The following PDE8B variants were observed in gnomAD, a reference collection of about 807,000 sequenced individuals.
PDE8B encodes high affinity cAMP-specific and IBMX-insensitive 3',5'-cyclic phosphodiesterase 8B.
A neutral mutation model predicts 101.3 loss-of-function variants in PDE8B; 26 were observed. The ratio of observed to expected loss-of-function variants is 0.26; its 90% CI spans 0.19 to 0.36. The LOEUF (loss-of-function observed/expected upper bound fraction) is 0.36, where lower values mean the gene tolerates loss of function less well. Ranked by LOEUF, PDE8B falls within the 10% of genes least tolerant of loss-of-function variation. PDE8B has a pLI of 1.00. For synonymous variants in PDE8B, 424 were observed against 429.3 expected (o/e 0.99, Z 0.15); for missense variants, 810 against 1,163.1 (o/e 0.70, Z 4.42).
rs138606485 is a variant in PDE8B, at chr5:77,236,505, A to G, written c.339+25241A>G. 4.7e-3 allele frequency among the ~76,000 whole-genome samples: 720 copies of G among 152,352 alleles called. 3 individuals carry two copies. The highest frequency in any genetic ancestry group is 0.016 in the African/African-American group (674 of 41,586). ...TGTAGTGACTTTCACTTGAATGCCA[A>G]GTGGAAAAAGTGTTTTGAAGAGGAG... On this transcript the variant is annotated intron_variant, in intron 1 of 21. Coordinates refer to ENST00000264917, the MANE Select transcript of PDE8B (RefSeq NM_003719.5).
the PDE8B span, among the ~76,000 whole-genome samples, chr5:77,168,362 G>A: frequency 1.3e-5 from 2 of 152,222 alleles, no homozygotes; most frequent in Non-Finnish European, 2.9e-5. Context: ...CAGCGAGGCT[G>A]CACGGCAGCC....
chr5:77,271,166 A>G (rs1442510023), intron 1 of PDE8B, among the ~76,000 whole-genome samples: 1 of 152,234 alleles, frequency 6.6e-6, no homozygotes, highest in Non-Finnish European at 1.5e-5. Flanking sequence ...GGCAGTTTAT[A>G]AAAGACCATA....
chr5:77,337,173 C>T lies in PDE8B; in HGVS notation c.709-54C>T, dbSNP rs1022938823. 20 of 959,038 alleles carry T rather than the reference C, an allele frequency of 2.1e-5. No homozygotes were observed. The South Asian group carries it at 2.6e-4, about 13-fold the overall frequency. 59.4% of individuals were successfully genotyped at this position (959,038 alleles called of 1,614,324 possible). On this transcript the variant is annotated intron_variant, in intron 5 of 21. Coordinates refer to ENST00000264917, the MANE Select transcript of PDE8B (RefSeq NM_003719.5). ...ACAACTGTTAAGTTTCTCTATTTGA[C>T]TCTCTAAGAAGTAATTATATATGTC...
chr5:77,159,623 A>T, the PDE8B span, among the ~76,000 whole-genome samples: 1 of 152,162 alleles, frequency 6.6e-6, no homozygotes, highest in Non-Finnish European at 1.5e-5. Context: ...GCGTTTGCAT[A>T]TATCATATTA....
intron 21 of PDE8B, 69 bp downstream of exon 21, chr5:77,425,965 C>G (rs947168342): frequency 1.6e-5 from 24 of 1,456,180 alleles, no homozygotes; most frequent in Non-Finnish European, 2.1e-5. Flanking sequence ...TTTAGTGACA[C>G]AGGGTGAGCC....
chr5:77,222,335 A>G (rs1751302133), intron 1 of PDE8B, among the ~76,000 whole-genome samples: 1 of 152,160 alleles, frequency 6.6e-6, no homozygotes, highest in African/African-American at 2.4e-5. Context: ...AAAAAAATGA[A>G]TATGATGGCC....
rs79008179 is a variant in PDE8B, at chr5:77,408,888, G to A, written c.1366-5G>A. 0.028 allele frequency: 45,541 copies of A among 1,609,390 alleles called. 772 individuals are homozygous for A. The highest frequency in any genetic ancestry group is 0.033 in the Non-Finnish European group (38,836 of 1,175,700). On this transcript the variant is annotated splice_region_variant and splice_polypyrimidine_tract_variant and intron_variant, in intron 13 of 21. Transcript: ENST00000264917. ...CTCAGATGTATTCTTTCTTCACTCC[G>A]TTAGGTTATAAATATAATCAATGCA...
intron 1 of PDE8B, among the ~76,000 whole-genome samples, chr5:77,259,068 A>ACCCCCCCCCC (rs1491575842): frequency 9.7e-5 from 4 of 41,158 alleles, no homozygotes; most frequent in African/African-American, 1.9e-4. Flanking sequence ...ACACACACAC[A>ACCCCCCCCCC]CCCCCGCCCC....
At chr5:77,238,136 C>T (rs943116985) in intron 1 of PDE8B, among the ~76,000 whole-genome samples, 3 of 152,148 alleles carry the variant, frequency 2.0e-5, no homozygotes, top group Admixed American at 2.0e-4. Flanking sequence ...ATGACTTTTG[C>T]CACAGTTGGA....
At chr5:77,184,936 G>A in the PDE8B span, among the ~76,000 whole-genome samples, 83,249 of 152,038 alleles carry the variant, frequency 0.55, 23,066 homozygotes, top group South Asian at 0.58. Flanking sequence ...CTGCTCCACA[G>A]AGGCACTCAG....
At chr5:77,176,223 A>G in the PDE8B span, among the ~76,000 whole-genome samples, 1 of 151,904 alleles carries the variant, frequency 6.6e-6, no homozygotes, top group African/African-American at 2.4e-5. Flanking sequence ...CCAAACAACT[A>G]GACACGCAGC....
chr5:77,355,166 CA>C (rs1311745625), intron 10 of PDE8B, among the ~76,000 whole-genome samples: 1 of 152,196 alleles, frequency 6.6e-6, no homozygotes, highest in Non-Finnish European at 1.5e-5. Flanking sequence ...CTTTAGGATA[CA>C]GGGGTGGGGG....
the PDE8B span, among the ~76,000 whole-genome samples, chr5:77,124,577 C>T: frequency 6.8e-6 from 1 of 147,620 alleles, no homozygotes; most frequent in Non-Finnish European, 1.5e-5. Flanking sequence ...CAGAGTGAGA[C>T]ACTGTCTCAA....
the PDE8B span, among the ~76,000 whole-genome samples, chr5:77,124,645 G>T: frequency 6.6e-6 from 1 of 151,524 alleles, no homozygotes; most frequent in South Asian, 2.1e-4. Flanking sequence ...ATGAAAGGAC[G>T]TGAAAGTTAT....
intron 1 of PDE8B, among the ~76,000 whole-genome samples, chr5:77,299,336 T>C (rs1228860310): frequency 6.6e-6 from 1 of 151,892 alleles, no homozygotes; most frequent in Non-Finnish European, 1.5e-5. Flanking sequence ...GTTTGTTACA[T>C]ACGTATACAT....
At chr5:77,244,284 G>A (rs1756417782) in intron 1 of PDE8B, among the ~76,000 whole-genome samples, 1 of 152,222 alleles carries the variant, frequency 6.6e-6, no homozygotes, top group African/African-American at 2.4e-5. Flanking sequence ...TAGAGAGGAA[G>A]ACTGAAAACA....
At chr5:77,113,562 A>G in the PDE8B span, 1 of 152,248 alleles carries the variant, frequency 6.6e-6, no homozygotes, top group Non-Finnish European at 1.5e-5. Flanking sequence ...TAAAAACCCT[A>G]GAAGAAAACC....
chr5:77,182,417 T>C, the PDE8B span, among the ~76,000 whole-genome samples: 1 of 152,120 alleles, frequency 6.6e-6, no homozygotes, highest in South Asian at 2.1e-4. Context: ...GGATCTCACA[T>C]AGAAAGTCCT....
chr5:77,298,078 T>G (rs1268125784), intron 1 of PDE8B, among the ~76,000 whole-genome samples: 1 of 152,206 alleles, frequency 6.6e-6, no homozygotes, highest in African/African-American at 2.4e-5. Context: ...AGATGCTTGA[T>G]GAAAGTTTGT....
Sources: gnomAD v4.1 joint callset for allele counts (sites outside exome capture counted in the v4.1 genomes callset) on GRCh38, gnomAD v4.1.1 for gene constraint, MANE v1.5 for transcripts, NCBI Gene and HGNC (gene_info 2026-07-23, HGNC 2026-07-21) for gene names.